Variants in SNTB1 observed in about 807,000 individuals in gnomAD.
The protein encoded by SNTB1 is beta-1-syntrophin.
In SNTB1, 36 loss-of-function variants were observed where a neutral mutation model predicts 48.9. The ratio of observed to expected loss-of-function variants is 0.74; its 90% confidence interval spans 0.56 to 0.97. The LOEUF (loss-of-function observed/expected upper bound fraction) is 0.97. Among genes scored for constraint, SNTB1 ranks in the 50% least tolerant of loss-of-function variants. SNTB1 has a pLI of 0.00. For synonymous variants in SNTB1, 299 were observed against 294.6 expected (o/e 1.01, Z -0.15); for missense variants, 786 against 703.4 (o/e 1.12, Z -1.33).
At chr8:120,670,617 T>G (rs1322325554) in intron 2 of SNTB1, among the ~76,000 whole-genome samples, 1 of 152,222 alleles carries the variant, frequency 6.6e-6, no homozygotes, top group African/African-American at 2.4e-5. Flanking sequence ...GTAATAAGTG[T>G]GCAAATATTA....
intron 1 of SNTB1, among the ~76,000 whole-genome samples, chr8:120,754,169 C>T (rs1345963827): frequency 1.3e-5 from 2 of 152,074 alleles, no homozygotes; most frequent in Non-Finnish European, 2.9e-5. Flanking sequence ...AAAATTATCT[C>T]ACTCTCACTC....
intron 2 of SNTB1, chr8:120,654,802 T>C (rs1033894594): frequency 1.5e-5 from 5 of 336,350 alleles, no homozygotes; most frequent in African/African-American, 6.7e-5. Context: ...GGCTAATACA[T>C]AAAACTTGAA....
intron 3 of SNTB1, among the ~76,000 whole-genome samples, chr8:120,578,276 A>C (rs963240899): frequency 2.0e-5 from 3 of 151,320 alleles, no homozygotes; most frequent in African/African-American, 7.3e-5. Context: ...TCCTGACCTC[A>C]TGATCTGCCT....
At chr8:120,544,751 T>C in intron 5 of SNTB1, among the ~76,000 whole-genome samples, 1 of 151,604 alleles carries the variant, frequency 6.6e-6, no homozygotes, top group East Asian at 1.9e-4. Flanking sequence ...AACTTAGTAT[T>C]CAGGTGGCTC....
chr8:120,671,688 A>T (rs2129785737), intron 2 of SNTB1, among the ~76,000 whole-genome samples: 1 of 152,346 alleles, frequency 6.6e-6, no homozygotes, highest in South Asian at 2.1e-4. Context: ...CTATTGTTTA[A>T]GACACCTGGT....
intron 1 of SNTB1, among the ~76,000 whole-genome samples, chr8:120,744,454 A>G (rs536928652): frequency 2.0e-5 from 3 of 152,218 alleles, no homozygotes; most frequent in Non-Finnish European, 4.4e-5. Flanking sequence ...ACTCATCTGC[A>G]GAAGATGGAT....
intron 1 of SNTB1, among the ~76,000 whole-genome samples, chr8:120,790,737 T>C (rs540506435): frequency 1.3e-5 from 2 of 152,008 alleles, no homozygotes; most frequent in African/African-American, 2.4e-5. Context: ...AAAGAAATCA[T>C]AGATGATACA....
At chr8:120,800,539 C>A in intron 1 of SNTB1, among the ~76,000 whole-genome samples, 1 of 151,982 alleles carries the variant, frequency 6.6e-6, no homozygotes, top group East Asian at 1.9e-4. Context: ...AGGAGAAAGT[C>A]AAGGACAGCC....
intron 1 of SNTB1, among the ~76,000 whole-genome samples, chr8:120,698,660 A>G (rs1442429035): frequency 1.3e-5 from 2 of 152,216 alleles, no homozygotes; most frequent in African/African-American, 2.4e-5. Flanking sequence ...AGAGACTCCA[A>G]GTCATTTTTA....
chr8:120,558,084 T>G lies in SNTB1; in HGVS notation c.1137-9126A>C, dbSNP rs569087373. On this transcript the variant is annotated intron_variant, in intron 4 of 6. Coordinates refer to ENST00000517992, the MANE Select transcript of SNTB1 (RefSeq NM_021021.4). Reference sequence around the variant, plus strand: ...AAGGTAAGGCTAAAACCTGTCTGCCTGGCTTTTTCCCATTCTGCCAGGAAC... The same window carrying G: ...AAGGTAAGGCTAAAACCTGTCTGCCGGGCTTTTTCCCATTCTGCCAGGAAC... 1.7e-4 allele frequency among the ~76,000 whole-genome samples: 26 copies of G among 152,364 alleles called. 1 individual carries two copies. In the South Asian group the frequency reaches 5.2e-3, roughly 30 times the overall value.
chr8:120,576,141 C>T (rs1815947352), intron 3 of SNTB1, among the ~76,000 whole-genome samples: 1 of 152,168 alleles, frequency 6.6e-6, no homozygotes, highest in African/African-American at 2.4e-5. Context: ...GTCTCAGGCC[C>T]ATCCAGATCT....
At chr8:120,635,277 G>T (rs1319075713) in intron 2 of SNTB1, among the ~76,000 whole-genome samples, 1 of 152,164 alleles carries the variant, frequency 6.6e-6, no homozygotes, top group Non-Finnish European at 1.5e-5. Flanking sequence ...CAGTAAAGCT[G>T]CAGAGCAGAA....
chr8:120,614,946 C>T (rs1408529690), intron 3 of SNTB1, among the ~76,000 whole-genome samples: 2 of 143,972 alleles, frequency 1.4e-5, no homozygotes, highest in Non-Finnish European at 3.0e-5. Context: ...TGAAACCATC[C>T]TGGCCAACAT....
intron 1 of SNTB1, among the ~76,000 whole-genome samples, chr8:120,709,877 A>G (rs931804416): frequency 1.3e-5 from 2 of 152,022 alleles, no homozygotes; most frequent in Admixed American, 6.6e-5. Flanking sequence ...TGTTGTGTAT[A>G]TTTTACCAGA....
chr8:120,547,592 CAAAAA>C (rs11289979), intron 5 of SNTB1, among the ~76,000 whole-genome samples: 1 of 89,068 alleles, frequency 1.1e-5, no homozygotes, highest in Non-Finnish European at 2.1e-5. Context: ...AACACTGTCT[CAAAAA>C]AAAAAAAAAA....
intron 3 of SNTB1, among the ~76,000 whole-genome samples, chr8:120,589,020 G>C (rs371804812): frequency 6.6e-6 from 1 of 152,132 alleles, no homozygotes; most frequent in African/African-American, 2.4e-5. Flanking sequence ...AGTCTCCTTG[G>C]ATTCCGTGCC....
chr8:120,772,394 C>T (rs1370341079), intron 1 of SNTB1, among the ~76,000 whole-genome samples: 1 of 151,532 alleles, frequency 6.6e-6, no homozygotes, highest in Admixed American at 6.6e-5. Flanking sequence ...TATAGGTGCG[C>T]ACCACCACAC....
At chr8:120,665,275 A>C (rs1817656780) in intron 2 of SNTB1, among the ~76,000 whole-genome samples, 1 of 152,056 alleles carries the variant, frequency 6.6e-6, no homozygotes, top group African/African-American at 2.4e-5. Flanking sequence ...AACATAGTGA[A>C]ACCCCGTCTC....
At chr8:120,617,579 C>T (rs777556576) in intron 3 of SNTB1, among the ~76,000 whole-genome samples, 2 of 152,154 alleles carry the variant, frequency 1.3e-5, no homozygotes, top group Non-Finnish European at 2.9e-5. Flanking sequence ...GTGGTGGGGA[C>T]TCAAAAAATG....
Sources: allele counts gnomAD v4.1 joint callset (sites outside exome capture counted in the v4.1 genomes callset), GRCh38; gene constraint gnomAD v4.1.1; transcripts MANE v1.5; gene names NCBI Gene and HGNC (gene_info 2026-07-23, HGNC 2026-07-21).